The following OAS1 variants were observed in gnomAD, a reference collection of about 807,000 sequenced individuals.
OAS1 encodes the protein 2'-5'-oligoadenylate synthetase 1, also known as 2'-5'-oligoadenylate synthase 1.
In OAS1, 24 loss-of-function variants were observed where a neutral mutation model predicts 38.5. The ratio of observed to expected loss-of-function variants is 0.62; its 90% CI spans 0.45 to 0.88. The LOEUF (loss-of-function observed/expected upper bound fraction) is 0.88, where lower values mean the gene tolerates loss of function less well. Among genes scored for constraint, OAS1 ranks in the 40% least tolerant of loss-of-function variants. The probability of loss-of-function intolerance (pLI) is 0.00; values close to 1 mark genes in which losing one functional copy is unlikely to be tolerated. For synonymous variants in OAS1, 169 were observed against 193.9 expected, an observed-to-expected ratio of 0.87 and a Z score of 1.07; for missense variants, 482 against 493.9, an observed-to-expected ratio of 0.98 and a Z score of 0.23.
intron 1 of OAS1, among the ~76,000 whole-genome samples, chr12:112,907,997 T>C (rs766493902): frequency 1.1e-4 from 17 of 152,216 alleles, no homozygotes; most frequent in Admixed American, 3.9e-4. Flanking sequence ...GGTATATCTC[T>C]AGGCAAGCAT....
intron 3 of OAS1, among the ~76,000 whole-genome samples, chr12:112,913,072 A>G (rs1033171824): frequency 6.6e-6 from 1 of 152,158 alleles, no homozygotes; most frequent in Non-Finnish European, 1.5e-5. Context: ...ATGATGGTCT[A>G]TTGGTAGTAA....
intron 6 of OAS1, among the ~76,000 whole-genome samples, chr12:112,929,894 G>T (rs1296032415): frequency 3.3e-5 from 5 of 152,184 alleles, no homozygotes; most frequent in African/African-American, 7.2e-5. Context: ...AGGTATGTCA[G>T]ACTCTCCCCA....
rs2043508666 is a variant in OAS1 at position 112,919,374 on chromosome 12, G to T, written c.1039-15G>T. On this transcript the variant is annotated splice_polypyrimidine_tract_variant and intron_variant, in intron 5 of 5. Transcript: ENST00000202917. Reference sequence around the variant, plus strand: ...GGAAGACTCCCTGATGTGATCATGTGTCTCACCCTTTCAGGCTGAAAGCAA... The same window carrying T: ...GGAAGACTCCCTGATGTGATCATGTTTCTCACCCTTTCAGGCTGAAAGCAA... 1.9e-6 allele frequency: 3 copies of T among 1,605,334 alleles called. No homozygotes were observed. The South Asian group carries it at 3.3e-5, about 18-fold the overall frequency.
chr12:112,926,098 T>G (rs532131382), intron 6 of OAS1, among the ~76,000 whole-genome samples: 1 of 152,328 alleles, frequency 6.6e-6, no homozygotes, highest in South Asian at 2.1e-4. Flanking sequence ...ATTTATCTTA[T>G]AATTATCCAA....
In OAS1 at chr12:112,929,566, T is replaced by C. The variant is rs111690620; in HGVS notation, c.1168-2312T>C. 4.6e-5 allele frequency among the ~76,000 whole-genome samples: 7 copies of C among 152,352 alleles called. 1 individual carries two copies. Among genetic ancestry groups the C allele is most frequent in the African/African-American group, 1.7e-4 (7 of 41,576 alleles). ...TTTTATTTATCAAACCATTACCAGA[T>C]GTCAGGTGCTGTCCCAAACACTTTG... On this transcript the variant is annotated intron_variant, in intron 6 of 6. Coordinates refer to the OAS1 transcript ENST00000540589.
rs1197570228 is a variant in OAS1 at position 112,916,648 on chromosome 12, A to G, written c.794A>G (p.Tyr265Cys). The G allele has an allele frequency of 1.9e-6, 3 of 1,614,172 alleles. No homozygotes were observed. Among genetic ancestry groups the G allele is most frequent in the African/African-American group, 2.7e-5 (2 of 75,052 alleles). The part of the protein sequence containing the change: ...FRTVLELVIN[Y>C]QQLCIYWTKY... ...ACGGTCTTGGAATTAGTCATAAACTACCAGCAACTCTGCATCTACTGGACA... is the reference window on the plus strand; with the variant it reads ...ACGGTCTTGGAATTAGTCATAAACTGCCAGCAACTCTGCATCTACTGGACA... The change falls in exon 4 of 6, where the codon TAC (tyrosine) becomes TGC (cysteine). Residue 265 changes from tyrosine (Y) to cysteine (C), a missense_variant. Physicochemically the swap from Tyr to Cys is radical, Grantham distance 194. Transcript: ENST00000202917.
intron 4 of OAS1, chr12:112,917,007 G>A (rs1229152678): frequency 4.6e-6 from 2 of 431,768 alleles, no homozygotes; most frequent in Non-Finnish European, 8.4e-6. Context: ...CAGAAAATGA[G>A]TAAAATAGCT....
At chr12:112,930,339 C>G (rs2043590073) in intron 6 of OAS1, among the ~76,000 whole-genome samples, 1 of 152,234 alleles carries the variant, frequency 6.6e-6, no homozygotes, top group Non-Finnish European at 1.5e-5. Flanking sequence ...AATAGCAATG[C>G]AAGAATGGCC....
intron 3 of OAS1, among the ~76,000 whole-genome samples, chr12:112,915,807 T>C (rs2043446811): frequency 4.6e-5 from 7 of 152,246 alleles, no homozygotes; most frequent in Admixed American, 4.6e-4. Context: ...CAGCAATGTT[T>C]TGTAGTTTTC....
chr12:112,917,265 G>A (rs2043473784), intron 4 of OAS1, among the ~76,000 whole-genome samples: 1 of 152,162 alleles, frequency 6.6e-6, no homozygotes, highest in South Asian at 2.1e-4. Flanking sequence ...TAAGAATCCT[G>A]AGGCTTAGAG....
chr12:112,918,544 T>C (rs2043494627), intron 5 of OAS1: 2 of 400,066 alleles, frequency 5.0e-6, no homozygotes. Flanking sequence ...ATTCTACTTT[T>C]AGTTATTTGA....
chr12:112,918,918 T>C (rs1053629363), intron 5 of OAS1: 5 of 258,790 alleles, frequency 1.9e-5, no homozygotes, highest in African/African-American at 8.8e-5. Flanking sequence ...GAATTTAGTA[T>C]GCAGGATGTT....
chr12:112,909,068 C>A (rs1003081424), intron 2 of OAS1: 2 of 437,272 alleles, frequency 4.6e-6, no homozygotes, highest in Non-Finnish European at 8.0e-6. Context: ...CTTACTGGTT[C>A]TGTTTAAGGC....
rs999206387 is a variant in OAS1 at position 112,907,054 on chromosome 12, A to C, written c.15A>C (p.Arg5Ser). 3.1e-6 allele frequency: 5 copies of C among 1,614,118 alleles called. No individual in the cohort carries two copies. In the South Asian group the frequency reaches 3.3e-5, roughly 11 times the overall value. Reference sequence around the variant, plus strand: ...CTCTCCTGTCAATGATGGATCTCAGAAATACCCCAGCCAAATCTCTGGACA... The same window carrying C: ...CTCTCCTGTCAATGATGGATCTCAGCAATACCCCAGCCAAATCTCTGGACA... Reference protein sequence around the residue: MMDLRNTPAKSLDKF... With the variant: MMDLSNTPAKSLDKF... The change falls in exon 1 of 6, where the codon AGA becomes AGC. Residue 5 changes from arginine (R) to serine (S), a missense_variant. Transcript: ENST00000202917.
Position 112,908,939 on chromosome 12 carries a change from T to C in OAS1, c.469+115T>C, listed in dbSNP as rs550302030. On this transcript the variant is annotated intron_variant, in intron 2 of 5. Coordinates refer to ENST00000202917, the MANE Select transcript of OAS1 (RefSeq NM_016816.4). ...CTCTCTAAAGCAGGGTGGGAGGAGA[T>C]CTTAGGATCTGTCCCGGGGCAAGAA... is the stretch of plus-strand genomic sequence containing the variant. 5.3e-6 allele frequency: 6 copies of C among 1,138,754 alleles called. No homozygotes were observed. In the Admixed American group the frequency reaches 1.2e-4, roughly 23 times the overall value. 70.5% of individuals were successfully genotyped at this position (1,138,754 alleles called of 1,614,324 possible).
At chr12:112,911,861 G>A (rs2136304988) in intron 3 of OAS1, among the ~76,000 whole-genome samples, 1 of 152,286 alleles carries the variant, frequency 6.6e-6, no homozygotes, top group Non-Finnish European at 1.5e-5. Context: ...ATGTTTTGTG[G>A]ATGTGATACA....
At position 112,916,727 on chromosome 12, in the gene OAS1, C is replaced by T. The variant is rs1337920287; in HGVS notation, c.873C>T (p.Leu291=). The T allele has an allele frequency of 6.2e-7, 1 of 1,613,652 alleles. No homozygotes were observed. Among genetic ancestry groups the T allele is most frequent in the East Asian group, 2.2e-5 (1 of 44,892 alleles). The change falls in exon 4 of 6, where the codon CTC becomes CTT. Residue 291 remains leucine, a synonymous_variant. Transcript: ENST00000202917. The part of the protein sequence containing the change: ...PIIEKYLRRQ[L]TKPRPVILDP... Reference sequence around the variant, plus strand: ...TTGAAAAGTACCTGAGAAGGCAGCTCACGAAACCCAGGTATGCTATCCCCA... The same window carrying T: ...TTGAAAAGTACCTGAGAAGGCAGCTTACGAAACCCAGGTATGCTATCCCCA...
chr12:112,919,188 C>A, intron 5 of OAS1: 2 of 552,094 alleles, frequency 3.6e-6, no homozygotes, highest in Non-Finnish European at 6.5e-6. Context: ...GAGCAAAAGG[C>A]TCTCTGCAGC....
chr12:112,908,704 G>A lies in OAS1; in HGVS notation c.349G>A (p.Val117Met), dbSNP rs200127558. 100 of 1,614,178 alleles carry A rather than the reference G, an allele frequency of 6.2e-5. 1 individual carries two copies. The South Asian group carries it at 7.5e-4, about 12-fold the overall frequency. ...CTGTCAAAGAGAGAGAGCATTTTCC[G>A]TGAAGTTTGAGGTCCAGGCTCCACG... ...EACQRERAFS[V>M]KFEVQAPRWG... is the part of the protein sequence containing the mutation. Residue 117 changes from valine (V) to methionine (M), a missense_variant, in exon 2 of 6, where the codon GTG becomes ATG. By Grantham distance (21) the Val-to-Met change is conservative. Coordinates refer to ENST00000202917, the MANE Select transcript of OAS1 (RefSeq NM_016816.4).
Sources: allele counts gnomAD v4.1 joint callset (sites outside exome capture counted in the v4.1 genomes callset), GRCh38; gene constraint gnomAD v4.1.1; transcripts MANE v1.5; gene names NCBI Gene and HGNC (gene_info 2026-07-23, HGNC 2026-07-21).